The following BRF1 variants were observed in gnomAD, a reference collection of about 807,000 sequenced individuals.
The protein encoded by BRF1 is transcription factor IIIB 90 kDa subunit.
Under a neutral mutation model 81.7 loss-of-function variants are expected in BRF1, and 59 were observed. That is an observed-to-expected ratio of 0.72 (90% CI 0.59 to 0.90). BRF1 has a LOEUF of 0.90. Among genes scored for constraint, BRF1 ranks in the 40% least tolerant of loss-of-function variants. BRF1 has a pLI of 0.00. For synonymous variants in BRF1, 491 were observed against 395.6 expected (o/e 1.24, Z -2.86); for missense variants, 1,050 against 936.3 (o/e 1.12, Z -1.58).
rs1595420707 is a variant in BRF1, at chr14:105,264,407, A to C, written c.440-7858T>G. On this transcript the variant is annotated intron_variant, in intron 3 of 17. Transcript: ENST00000547530. ...TGGCCAGGCGCGATTGCTCACACCTATAATCCCAGCACTTTGGGAGGCCGA... is the reference window on the plus strand; with the variant it reads ...TGGCCAGGCGCGATTGCTCACACCTCTAATCCCAGCACTTTGGGAGGCCGA... 1.3e-5 allele frequency among the ~76,000 whole-genome samples: 2 copies of C among 152,014 alleles called. 1 individual carries two copies. The highest frequency in any genetic ancestry group is 4.2e-4 in the South Asian group (2 of 4,816).
intron 3 of BRF1, among the ~76,000 whole-genome samples, chr14:105,263,227 A>C: frequency 7.8e-6 from 1 of 127,750 alleles, no homozygotes; most frequent in African/African-American, 3.1e-5. Context: ...ACAGAGTAAG[A>C]CTCCATCAAA....
chr14:105,275,487 C>G (rs1408054662), intron 2 of BRF1, among the ~76,000 whole-genome samples: 2 of 152,252 alleles, frequency 1.3e-5, no homozygotes, highest in Admixed American at 6.5e-5. Flanking sequence ...GCCAGACACA[C>G]CAGCACAGAC....
At chr14:105,251,653 G>A (rs1419380651) in intron 5 of BRF1, among the ~76,000 whole-genome samples, 1 of 152,144 alleles carries the variant, frequency 6.6e-6, no homozygotes, top group Non-Finnish European at 1.5e-5. Flanking sequence ...GCTCAGTCCT[G>A]TTGGTGACCC....
chr14:105,247,444 GT>G, intron 5 of BRF1: 2 of 985,398 alleles, frequency 2.0e-6, no homozygotes, highest in African/African-American at 3.5e-5. Flanking sequence ...TCCTTTGCCC[GT>G]TTTTTAAAAA....
intron 3 of BRF1, 54 bp from the exon 4 acceptor site, chr14:105,256,603 C>G: frequency 1.2e-6 from 2 of 1,601,644 alleles, no homozygotes; most frequent in Non-Finnish European, 1.7e-6. Flanking sequence ...GGTTACTCGC[C>G]CACCTTCAAA....
intron 1 of BRF1, among the ~76,000 whole-genome samples, 190 bp downstream of exon 1, chr14:105,300,256 G>A (rs1346433126): frequency 6.6e-6 from 1 of 152,178 alleles, no homozygotes; most frequent in African/African-American, 2.4e-5. Flanking sequence ...ACGCCACGGG[G>A]GTCCACAGGC....
intron 5 of BRF1, chr14:105,246,770 A>G: frequency 2.0e-6 from 2 of 977,382 alleles, no homozygotes; most frequent in African/African-American, 1.8e-5. Flanking sequence ...ACTGTAACAT[A>G]TTTAAAAATC....
chr14:105,229,566 G>T (rs375037560), intron 6 of BRF1, among the ~76,000 whole-genome samples: 2 of 152,232 alleles, frequency 1.3e-5, no homozygotes, highest in Non-Finnish European at 2.9e-5. Context: ...AGCACCAAGG[G>T]CAAAGTGAGA....
intron 6 of BRF1, among the ~76,000 whole-genome samples, chr14:105,229,281 G>A (rs926884987): frequency 7.2e-5 from 11 of 152,248 alleles, no homozygotes; most frequent in Admixed American, 5.9e-4. Context: ...GCAGGAAAGG[G>A]GCGAGGCCAC....
At chr14:105,245,085 G>T (rs587775938) in intron 5 of BRF1, among the ~76,000 whole-genome samples, 5 of 152,286 alleles carry the variant, frequency 3.3e-5, no homozygotes, top group Admixed American at 2.6e-4. Flanking sequence ...TGGGTCAGGC[G>T]TGGTGGCTCA....
chr14:105,212,010 G>A (rs1809050434), intron 16 of BRF1, 103 bp downstream of exon 16: 5 of 1,516,584 alleles, frequency 3.3e-6, no homozygotes, highest in Non-Finnish European at 4.5e-6. Flanking sequence ...AGGCGCCTCT[G>A]TCAGGCCTGC....
At chr14:105,266,593 C>G (rs2056428670) in intron 3 of BRF1, among the ~76,000 whole-genome samples, 1 of 152,038 alleles carries the variant, frequency 6.6e-6, no homozygotes, top group African/African-American at 2.4e-5. Flanking sequence ...GATAAAGAGT[C>G]CTATACACAA....
chr14:105,248,569 T>TCGGGCGGGCGGG lies in BRF1; in HGVS notation c.544+3926_544+3937dup, dbSNP rs587760631. 5.2e-3 allele frequency: 2,842 copies of TCGGGCGGGCGGG among 542,764 alleles called. 14 individuals are homozygous for TCGGGCGGGCGGG. Among genetic ancestry groups the TCGGGCGGGCGGG allele is most frequent in the East Asian group, 9.5e-3 (55 of 5,810 alleles). The allele number at this position is 542,764 out of a possible 1,614,324, so 33.6% of individuals were successfully genotyped here. A position where few individuals can be genotyped will look rare whatever the true frequency, so the allele number is the denominator to read the frequency against. On this transcript the variant is annotated intron_variant, in intron 5 of 17. Coordinates refer to ENST00000547530, the MANE Select transcript of BRF1 (RefSeq NM_001519.4). The stretch of plus-strand genomic sequence containing the variant: ...CACCGGCGCCGCGGCGGGTACGGGC[T>TCGGGCGGGCGGG]CGGGCGGGCGGGCGGGCGGGACGGC...
chr14:105,249,609 C>T, intron 5 of BRF1: 1 of 1,590,452 alleles, frequency 6.3e-7, no homozygotes, highest in Non-Finnish European at 8.6e-7. Context: ...GCTTGGGAGC[C>T]AGCCCCTGAC....
chr14:105,214,196 T>C (rs1890641514), intron 15 of BRF1, among the ~76,000 whole-genome samples: 1 of 152,222 alleles, frequency 6.6e-6, no homozygotes, highest in Non-Finnish European at 1.5e-5. Context: ...GGGCAGCTCA[T>C]CTGGTGGGCC....
chr14:105,312,531 A>G (rs1410767539), intron 1 of BRF1, among the ~76,000 whole-genome samples: 2 of 152,242 alleles, frequency 1.3e-5, no homozygotes, highest in East Asian at 3.9e-4. Flanking sequence ...GCTACCAGAG[A>G]AAGCACCTGT....
intron 6 of BRF1, among the ~76,000 whole-genome samples, chr14:105,229,289 C>A (rs1056698120): frequency 2.6e-5 from 4 of 152,218 alleles, no homozygotes; most frequent in African/African-American, 9.7e-5. Context: ...GGGGCGAGGC[C>A]ACAGCTGGCA....
intron 5 of BRF1, among the ~76,000 whole-genome samples, chr14:105,244,439 CAAAACAA>C (rs1304944620): frequency 6.6e-6 from 1 of 151,736 alleles, no homozygotes; most frequent in Non-Finnish European, 1.5e-5. Context: ...CACCATGTCT[CAAAACAA>C]AAAACAAAAA....
Position 105,228,866 on chromosome 14 carries a change from C to A in BRF1, c.742G>T (p.Glu248Ter). The A allele has an allele frequency of 6.2e-7, 1 of 1,613,878 alleles. No individual in the cohort carries two copies. The highest frequency in any genetic ancestry group is 8.5e-7 in the Non-Finnish European group (1 of 1,180,012). The change falls in exon 7 of 18, where the codon GAG becomes TAG. Residue 248 changes from glutamate to a stop codon, truncating the protein, a stop_gained. Coordinates refer to ENST00000547530, the MANE Select transcript of BRF1 (RefSeq NM_001519.4). LOFTEE classifies it high-confidence loss of function. ...CACACTTTGACCACACTGATGACCT[C>A]CTTCACAGTCCTCCTGAAGTCATGC... Reference protein sequence around the residue: ...RMHDFRRTVKEVISVVKVCES... With the variant: ...RMHDFRRTVK
Sources: gnomAD v4.1 joint callset for allele counts (sites outside exome capture counted in the v4.1 genomes callset) on GRCh38, gnomAD v4.1.1 for gene constraint, MANE v1.5 for transcripts, NCBI Gene and HGNC (gene_info 2026-07-23, HGNC 2026-07-21) for gene names.